KLF8: variants seen among roughly 807,000 people sequenced by gnomAD.
KLF8 encodes the protein Krueppel-like factor 8.
Under a neutral mutation model 18.2 loss-of-function variants are expected in KLF8, and 10 were observed. That is an observed-to-expected ratio of 0.55 (90% CI 0.34 to 0.93). The LOEUF is 0.93. KLF8 is among the 40% of genes least tolerant of loss of function. The probability of loss-of-function intolerance (pLI) is 0.02; values close to 1 mark genes in which losing one functional copy is unlikely to be tolerated. For missense variants in KLF8, 264 were observed against 277.9 expected, an observed-to-expected ratio of 0.95 and a Z score of 0.36; for synonymous variants, 109 against 97.3, an observed-to-expected ratio of 1.12 and a Z score of -0.71.
At chrX:55,925,036 T>C in the KLF8 span, among the ~76,000 whole-genome samples, 11 of 104,057 alleles carry the variant, frequency 1.1e-4, no homozygotes, top group Non-Finnish European at 2.0e-4. Context: ...TTTTTTTTTT[T>C]TTTTAGTATA....
chrX:55,960,632 A>AAGAAGAAGGAGAAGGAGAAGG, the KLF8 span, among the ~76,000 whole-genome samples: 14 of 110,483 alleles, frequency 1.3e-4, no homozygotes, highest in Non-Finnish European at 2.7e-4. Context: ...AGGAGAAAAG[A>AAGAAGAAGGAGAAGGAGAAGG]AGAAGAAGGA....
At chrX:56,238,063 A>T (rs894027176) in intron 1 of KLF8, among the ~76,000 whole-genome samples, 5 of 110,828 alleles carry the variant, frequency 4.5e-5, no homozygotes, top group Admixed American at 2.9e-4. Context: ...CTACCTATTA[A>T]TTTTTTTTTG....
chrX:56,229,515 G>T (rs904250577), upstream of KLF8, among the ~76,000 whole-genome samples: 1 of 111,882 alleles, frequency 8.9e-6, no homozygotes, highest in Non-Finnish European at 1.9e-5. Flanking sequence ...AAAACTTCTA[G>T]TTCCCCATAC....
At chrX:55,984,283 C>T in the KLF8 span, among the ~76,000 whole-genome samples, 10 of 110,247 alleles carry the variant, frequency 9.1e-5, no homozygotes, top group Admixed American at 2.9e-4. Context: ...TCCCTCTACC[C>T]GCTCACCTAA....
the KLF8 span, among the ~76,000 whole-genome samples, chrX:56,083,869 G>A: frequency 1.8e-5 from 2 of 111,695 alleles, no homozygotes; most frequent in African/African-American, 3.3e-5. Flanking sequence ...AGGTGGAACA[G>A]CTTCATCCCA....
In KLF8 at chrX:56,265,799, G is replaced by A. The variant is rs770395163; in HGVS notation, c.646+55G>A. The A allele has an allele frequency of 4.4e-6, 5 of 1,146,661 alleles. No individual in the cohort carries two copies. In the East Asian group the frequency reaches 9.1e-5, roughly 21 times the overall value. The allele number at this position is 1,146,661 out of a possible 1,213,427, so 94.5% of individuals were successfully genotyped here. On this transcript the variant is annotated intron_variant, in intron 3 of 5. Transcript: ENST00000468660. ...CTTCCTGAATCTATTCCCTTTTAGA[G>A]TCATCCTATCTCCTGTCTCTTTTCA... is the stretch of plus-strand genomic sequence containing the variant.
chrX:56,240,095 GT>G (rs1385078768), intron 1 of KLF8, among the ~76,000 whole-genome samples: 1 of 112,380 alleles, frequency 8.9e-6, no homozygotes, highest in African/African-American at 3.2e-5. Context: ...TGTTAAACTA[GT>G]TCTGATAAAT....
At chrX:56,040,949 A>G in the KLF8 span, among the ~76,000 whole-genome samples, 1 of 72,725 alleles carries the variant, frequency 1.4e-5, no homozygotes, top group East Asian at 4.0e-4. Context: ...AGAACTTGTT[A>G]TCAGTCTACT....
intron 2 of KLF8, among the ~76,000 whole-genome samples, chrX:56,264,642 T>C (rs1386687247): frequency 9.0e-6 from 1 of 111,341 alleles, no homozygotes; most frequent in Non-Finnish European, 1.9e-5. Context: ...ATATCTTTCT[T>C]ATCTCTTATC....
At chrX:56,203,734 G>C in the KLF8 span, among the ~76,000 whole-genome samples, 2 of 111,825 alleles carry the variant, frequency 1.8e-5, no homozygotes, top group African/African-American at 3.2e-5. Context: ...TGACTTCACT[G>C]TAGATGTGTG....
chrX:56,087,090 A>G, the KLF8 span, among the ~76,000 whole-genome samples: 1 of 111,516 alleles, frequency 9.0e-6, no homozygotes, highest in African/African-American at 3.3e-5. Flanking sequence ...AGAGGCCTCT[A>G]TTAGGGTTAG....
the KLF8 span, among the ~76,000 whole-genome samples, chrX:55,996,766 C>A: frequency 8.9e-6 from 1 of 111,938 alleles, no homozygotes; most frequent in Non-Finnish European, 1.9e-5. Flanking sequence ...GGTTTGCTGG[C>A]AAGAGCACTC....
At chrX:56,241,291 A>G (rs767221213) in intron 1 of KLF8, among the ~76,000 whole-genome samples, 2 of 111,498 alleles carry the variant, frequency 1.8e-5, no homozygotes, top group Non-Finnish European at 3.8e-5. Flanking sequence ...TCAGCCTACC[A>G]AGTGGCTGGG....
chrX:55,935,180 T>C, the KLF8 span, among the ~76,000 whole-genome samples: 1 of 112,372 alleles, frequency 8.9e-6, no homozygotes, highest in South Asian at 3.7e-4. Context: ...AACAATCTCA[T>C]ACTGTTGGTA....
the KLF8 span, among the ~76,000 whole-genome samples, chrX:56,185,276 G>T: frequency 8.9e-6 from 1 of 111,933 alleles, no homozygotes; most frequent in Non-Finnish European, 1.9e-5. Flanking sequence ...GGGTGTCAGT[G>T]ATAGAAGATG....
the KLF8 span, among the ~76,000 whole-genome samples, chrX:56,154,007 A>G: frequency 3.7e-4 from 41 of 111,473 alleles, no homozygotes; most frequent in Non-Finnish European, 1.1e-4. Context: ...CATACTGCCC[A>G]AGGTAATCTA....
the KLF8 span, among the ~76,000 whole-genome samples, chrX:55,997,554 A>C: frequency 1.8e-3 from 199 of 111,522 alleles, no homozygotes; most frequent in African/African-American, 6.3e-3. Flanking sequence ...TAGGATTCCC[A>C]GCTTTTTCTC....
At chrX:56,281,605 C>T (rs944262846) in intron 5 of KLF8, among the ~76,000 whole-genome samples, 4 of 111,105 alleles carry the variant, frequency 3.6e-5, no homozygotes, top group Non-Finnish European at 7.5e-5. Flanking sequence ...GACGGGGTTT[C>T]ACTATGTTGG....
chrX:56,178,374 T>C, the KLF8 span, among the ~76,000 whole-genome samples: 1 of 112,497 alleles, frequency 8.9e-6, no homozygotes, highest in African/African-American at 3.2e-5. Flanking sequence ...TTGTAGATTC[T>C]GGATATTAGC....
Sources: gnomAD v4.1 joint callset for allele counts (sites outside exome capture counted in the v4.1 genomes callset) on GRCh38, gnomAD v4.1.1 for gene constraint, MANE v1.5 for transcripts, NCBI Gene and HGNC (gene_info 2026-07-23, HGNC 2026-07-21) for gene names.